The following ADARB2 variants were observed in gnomAD, a reference collection of about 807,000 sequenced individuals.
The protein encoded by ADARB2 is adenosine deaminase RNA specific B2 (inactive).
In ADARB2, 25 loss-of-function variants were observed where a neutral mutation model predicts 62.2. That is an observed-to-expected ratio of 0.40 (90% CI 0.29 to 0.56). The LOEUF is 0.56. Among genes scored for constraint, ADARB2 ranks in the 20% least tolerant of loss-of-function variants. The pLI, the probability that ADARB2 is intolerant of heterozygous loss-of-function variation, is 0.43. For missense variants in ADARB2, 1,071 were observed against 1,077.4 expected, an observed-to-expected ratio of 0.99 and a Z score of 0.08; for synonymous variants, 572 against 500.8, an observed-to-expected ratio of 1.14 and a Z score of -1.90.
At chr10:1,593,592 A>G (rs576016315) in intron 1 of ADARB2, among the ~76,000 whole-genome samples, 1 of 152,372 alleles carries the variant, frequency 6.6e-6, no homozygotes, top group African/African-American at 2.4e-5. Flanking sequence ...GCGAAGTAGT[A>G]ATAAGTGCGG....
At chr10:1,469,401 T>C (rs1831294608) in intron 1 of ADARB2, among the ~76,000 whole-genome samples, 1 of 152,258 alleles carries the variant, frequency 6.6e-6, no homozygotes, top group African/African-American at 2.4e-5. Flanking sequence ...TCTTAGAATT[T>C]GTACTGAAAA....
chr10:1,436,543 T>C (rs1206461916), intron 1 of ADARB2, among the ~76,000 whole-genome samples: 1 of 152,226 alleles, frequency 6.6e-6, no homozygotes, highest in East Asian at 1.9e-4. Flanking sequence ...ACCATCTTTA[T>C]AATAATAAAA....
chr10:1,339,179 A>G (rs1042191568), intron 3 of ADARB2, among the ~76,000 whole-genome samples: 4 of 152,180 alleles, frequency 2.6e-5, no homozygotes, highest in African/African-American at 9.7e-5. Context: ...GTAGCTGAGC[A>G]TGGACCCCAC....
At chr10:1,372,727 G>A (rs996974260) in intron 2 of ADARB2, among the ~76,000 whole-genome samples, 5 of 152,156 alleles carry the variant, frequency 3.3e-5, no homozygotes, top group Non-Finnish European at 5.9e-5. Context: ...TCAAAATAGA[G>A]TATAAGAATT....
intron 1 of ADARB2, among the ~76,000 whole-genome samples, chr10:1,558,953 C>T (rs569474716): frequency 1.3e-5 from 2 of 152,304 alleles, no homozygotes; most frequent in South Asian, 4.1e-4. Flanking sequence ...GGTTTGTTCA[C>T]GTTTGGACTC....
At chr10:1,625,716 C>T (rs1833757423) in intron 1 of ADARB2, among the ~76,000 whole-genome samples, 1 of 152,176 alleles carries the variant, frequency 6.6e-6, no homozygotes, top group Admixed American at 6.5e-5. Flanking sequence ...TGACAGCCTC[C>T]ACAGATCCAG....
At chr10:1,355,137 G>C (rs1056165490) in intron 3 of ADARB2, among the ~76,000 whole-genome samples, 1 of 152,242 alleles carries the variant, frequency 6.6e-6, no homozygotes, top group Non-Finnish European at 1.5e-5. Flanking sequence ...GGGCTCTGCA[G>C]TCTTTCAATC....
chr10:1,497,866 A>G (rs1011315295), intron 1 of ADARB2, among the ~76,000 whole-genome samples: 4 of 152,116 alleles, frequency 2.6e-5, no homozygotes, highest in Non-Finnish European at 5.9e-5. Context: ...GATGAGGTGG[A>G]GATGACTTCC....
intron 1 of ADARB2, among the ~76,000 whole-genome samples, chr10:1,637,288 G>C (rs146113369): frequency 1.3e-5 from 2 of 152,148 alleles, no homozygotes; most frequent in Admixed American, 1.3e-4. Context: ...TTGCCAGCTC[G>C]GAGTGGGAAG....
intron 1 of ADARB2, among the ~76,000 whole-genome samples, chr10:1,583,257 G>T (rs1240677575): frequency 2.0e-5 from 3 of 152,162 alleles, no homozygotes; most frequent in African/African-American, 7.2e-5. Context: ...GGATGGCAAG[G>T]GGTCACTGTC....
At chr10:1,589,097 G>A (rs1450503356) in intron 1 of ADARB2, among the ~76,000 whole-genome samples, 1 of 152,178 alleles carries the variant, frequency 6.6e-6, no homozygotes, top group Non-Finnish European at 1.5e-5. Context: ...CAAGTTACTG[G>A]CATGGCTCCA....
At chr10:1,681,291 T>C (rs1408253737) in intron 1 of ADARB2, among the ~76,000 whole-genome samples, 1 of 152,218 alleles carries the variant, frequency 6.6e-6, no homozygotes. Flanking sequence ...TGCATTTCTC[T>C]CAAATTCATT....
chr10:1,267,652 C>G (rs895002748), intron 4 of ADARB2, among the ~76,000 whole-genome samples: 1 of 151,948 alleles, frequency 6.6e-6, no homozygotes, highest in Non-Finnish European at 1.5e-5. Context: ...CAGAAAAAAA[C>G]ACGCACAATA....
intron 6 of ADARB2, among the ~76,000 whole-genome samples, chr10:1,219,481 A>G (rs1830662028): frequency 6.6e-6 from 1 of 152,248 alleles, no homozygotes. Flanking sequence ...GAGGCTTCAG[A>G]TGGCTTTTCA....
rs111537506 is a variant in ADARB2 at position 1,694,901 on chromosome 10, G to A, written c.100+42150C>T. On this transcript the variant is annotated intron_variant, in intron 1 of 9. Transcript: ENST00000381312. ...GAAGCAGAGGGGGCACCTGAGCCAC[G>A]TGCATCCTGGGGCTCCTTTTCACGT... Among the ~76,000 whole-genome samples, 102 of 152,208 alleles carry A rather than the reference G, an allele frequency of 6.7e-4. 1 individual carries two copies. The East Asian group carries it at 0.013, about 19-fold the overall frequency.
chr10:1,227,356 G>A lies in ADARB2; in HGVS notation c.1513+6338C>T, dbSNP rs189916870. 2.1e-4 allele frequency among the ~76,000 whole-genome samples: 32 copies of A among 152,296 alleles called. No homozygotes were observed. The East Asian group carries it at 4.6e-3, about 22-fold the overall frequency. ...AATTCCATGACCCCTTGCGCTTCCC[G>A]GGTGAGGCGATGCCTCGCCCTGTTT... On this transcript the variant is annotated intron_variant, in intron 6 of 9. Transcript: ENST00000381312.
Position 1,678,976 on chromosome 10 carries a change from C to T in ADARB2, c.100+58075G>A, listed in dbSNP as rs186507032. Among the ~76,000 whole-genome samples the T allele has an allele frequency of 2.3e-3, 347 of 152,342 alleles. 4 individuals carry two copies. The highest frequency in any genetic ancestry group is 7.9e-3 in the African/African-American group (329 of 41,582). On this transcript the variant is annotated intron_variant, in intron 1 of 9. Transcript: ENST00000381312. ...TCCCTCACGGGCATTCAGGCCAATG[C>T]CCACTGGATGCAGACATGAGCGAGT... is the stretch of plus-strand genomic sequence containing the variant.
chr10:1,725,405 T>C (rs1377081373), intron 1 of ADARB2, among the ~76,000 whole-genome samples: 2 of 152,092 alleles, frequency 1.3e-5, no homozygotes, highest in Non-Finnish European at 2.9e-5. Flanking sequence ...CTTGCAAAAA[T>C]ACATCAGAAT....
rs1831148833 is a variant in ADARB2, at chr10:1,262,322, A to AATAATAAT, written c.1192+8632_1192+8633insATTATTAT. On this transcript the variant is annotated intron_variant, in intron 4 of 9. Transcript: ENST00000381312. ...ATAATAATAATAATAATAATAATAA[A>AATAATAAT]AGAAACCACCATCAGAGTGAACAGG... Among the ~76,000 whole-genome samples, 17 of 86,184 alleles carry AATAATAAT rather than the reference A, an allele frequency of 2.0e-4. No homozygotes were observed. The South Asian group carries it at 7.4e-3, about 38-fold the overall frequency. 56.5% of individuals were successfully genotyped at this position (86,184 alleles called of 152,430 possible).
Sources: gnomAD v4.1 joint callset for allele counts (sites outside exome capture counted in the v4.1 genomes callset) on GRCh38, gnomAD v4.1.1 for gene constraint, MANE v1.5 for transcripts, NCBI Gene and HGNC (gene_info 2026-07-23, HGNC 2026-07-21) for gene names.